DLGAP2: variants seen among roughly 807,000 people sequenced by gnomAD.
The protein encoded by DLGAP2 is DLG associated protein 2.
Under a neutral mutation model 100.3 loss-of-function variants are expected in DLGAP2, and 26 were observed. That is an observed-to-expected ratio of 0.26 (90% confidence interval 0.19 to 0.36). The LOEUF (loss-of-function observed/expected upper bound fraction) is 0.36. Among genes scored for constraint, DLGAP2 ranks in the 10% least tolerant of loss-of-function variants. DLGAP2 has a pLI of 1.00. For synonymous variants in DLGAP2, 886 were observed against 630.1 expected (o/e 1.41, Z -6.08); for missense variants, 1,858 against 1,453.2 (o/e 1.28, Z -4.53).
At chr8:951,037 C>T (rs1177191608) in intron 2 of DLGAP2, among the ~76,000 whole-genome samples, 2 of 152,178 alleles carry the variant, frequency 1.3e-5, no homozygotes, top group Non-Finnish European at 1.5e-5. Flanking sequence ...TTTATATTTT[C>T]TTCACATAGA....
intron 1 of DLGAP2, among the ~76,000 whole-genome samples, chr8:839,388 A>C (rs1195373665): frequency 3.9e-5 from 6 of 152,224 alleles, no homozygotes; most frequent in Non-Finnish European, 5.9e-5. Context: ...ACAATGGAAT[A>C]CTATTGAGCC....
At chr8:1,641,154 A>G (rs890955183) in intron 8 of DLGAP2, among the ~76,000 whole-genome samples, 3 of 152,162 alleles carry the variant, frequency 2.0e-5, no homozygotes, top group Non-Finnish European at 4.4e-5. Context: ...TCCAAAGGTT[A>G]AATACTTGAC....
chr8:830,697 G>A (rs1373233555), intron 1 of DLGAP2, among the ~76,000 whole-genome samples: 1 of 151,850 alleles, frequency 6.6e-6, no homozygotes, highest in Non-Finnish European at 1.5e-5. Flanking sequence ...ATATTACTAC[G>A]ATGTTTATTT....
chr8:1,544,727 T>G (rs2130500861), intron 4 of DLGAP2, among the ~76,000 whole-genome samples: 1 of 137,262 alleles, frequency 7.3e-6, no homozygotes, highest in African/African-American at 2.8e-5. Context: ...TTGCTAGTAT[T>G]TTTGAGGATT....
intron 3 of DLGAP2, among the ~76,000 whole-genome samples, chr8:1,468,482 C>T (rs1798691340): frequency 6.6e-6 from 1 of 152,236 alleles, no homozygotes; most frequent in Non-Finnish European, 1.5e-5. Context: ...TCGCATGGAT[C>T]CGGGCTGGCC....
At chr8:1,144,312 A>G (rs1038268068) in intron 2 of DLGAP2, among the ~76,000 whole-genome samples, 1 of 152,258 alleles carries the variant, frequency 6.6e-6, no homozygotes, top group Non-Finnish European at 1.5e-5. Flanking sequence ...AAAACAAATC[A>G]GGAGGTAAAA....
At chr8:1,423,507 A>C (rs1797157580) in intron 3 of DLGAP2, among the ~76,000 whole-genome samples, 1 of 152,214 alleles carries the variant, frequency 6.6e-6, no homozygotes, top group Non-Finnish European at 1.5e-5. Context: ...CAGCTTGTCA[A>C]GGCATCAGCG....
intron 3 of DLGAP2, among the ~76,000 whole-genome samples, chr8:1,303,292 G>A (rs910047142): frequency 7.9e-5 from 12 of 152,014 alleles, no homozygotes; most frequent in Non-Finnish European, 1.2e-4. Flanking sequence ...AGCTACTCGG[G>A]AGGCTGAGGC....
At chr8:1,367,530 G>A (rs915274652) in intron 3 of DLGAP2, among the ~76,000 whole-genome samples, 2 of 152,302 alleles carry the variant, frequency 1.3e-5, no homozygotes, top group South Asian at 2.1e-4. Context: ...CCCTGCTGGG[G>A]GCCGCAGAGG....
intron 3 of DLGAP2, among the ~76,000 whole-genome samples, chr8:1,450,642 C>A (rs570214911): frequency 6.6e-6 from 1 of 152,138 alleles, no homozygotes; most frequent in Non-Finnish European, 1.5e-5. Context: ...GTCTTCCCCC[C>A]CATCATTCCC....
At chr8:1,532,012 G>T (rs71516195) in intron 4 of DLGAP2, among the ~76,000 whole-genome samples, 1 of 152,122 alleles carries the variant, frequency 6.6e-6, no homozygotes, top group African/African-American at 2.4e-5. Context: ...CACTGGTTCC[G>T]TCCAGAGGGG....
chr8:1,669,229 G>C (rs182165189), intron 9 of DLGAP2, among the ~76,000 whole-genome samples: 2 of 152,292 alleles, frequency 1.3e-5, no homozygotes, highest in Admixed American at 1.3e-4. Flanking sequence ...TTGCATCCAT[G>C]GTTTCAGACC....
At chr8:1,664,260 A>G (rs1000767413) in intron 8 of DLGAP2, among the ~76,000 whole-genome samples, 1 of 152,024 alleles carries the variant, frequency 6.6e-6, no homozygotes, top group Non-Finnish European at 1.5e-5. Context: ...GGCCACGTCT[A>G]CTAGCCCTTC....
At chr8:1,422,756 G>A (rs747268334) in intron 3 of DLGAP2, among the ~76,000 whole-genome samples, 1 of 152,122 alleles carries the variant, frequency 6.6e-6, no homozygotes, top group African/African-American at 2.4e-5. Context: ...TGGGGGTGGG[G>A]GAATGTGTCC....
chr8:1,354,233 C>T lies in DLGAP2; in HGVS notation c.106+95350C>T, dbSNP rs572627142. On this transcript the variant is annotated intron_variant, in intron 3 of 14. Coordinates refer to ENST00000637795, the MANE Select transcript of DLGAP2 (RefSeq NM_001346810.2). ...AGAAAATACTTACGGAGGCCAGGCA[C>T]GGTGGCTCAAACCTGTAATCCCAGC... Among the ~76,000 whole-genome samples, 18 of 152,288 alleles carry T rather than the reference C, an allele frequency of 1.2e-4. No individual in the cohort carries two copies. The East Asian group carries it at 2.7e-3, about 23-fold the overall frequency.
chr8:762,473 GAGTAAA>G (rs1760072975), intron 1 of DLGAP2, among the ~76,000 whole-genome samples: 1 of 152,180 alleles, frequency 6.6e-6, no homozygotes, highest in African/African-American at 2.4e-5. Context: ...AGGTGAAACA[GAGTAAA>G]AGTAACAGTG....
intron 2 of DLGAP2, among the ~76,000 whole-genome samples, chr8:1,192,127 C>T (rs1255366283): frequency 3.3e-5 from 5 of 152,098 alleles, no homozygotes; most frequent in African/African-American, 9.7e-5. Context: ...TCCTCTCGTA[C>T]GTGATGAAAC....
intron 1 of DLGAP2, among the ~76,000 whole-genome samples, chr8:886,816 A>G (rs1273806051): frequency 6.6e-6 from 1 of 152,220 alleles, no homozygotes; most frequent in African/African-American, 2.4e-5. Flanking sequence ...AATAGTTGCC[A>G]TGTGGCACTG....
At chr8:900,690 C>T (rs766685236) in intron 1 of DLGAP2, among the ~76,000 whole-genome samples, 13 of 152,080 alleles carry the variant, frequency 8.5e-5, no homozygotes, top group South Asian at 2.1e-4. Flanking sequence ...CACCAGGAGG[C>T]GGCTGCAGCC....
Sources: allele counts gnomAD v4.1 joint callset (sites outside exome capture counted in the v4.1 genomes callset), GRCh38; gene constraint gnomAD v4.1.1; transcripts MANE v1.5; gene names NCBI Gene and HGNC (gene_info 2026-07-23, HGNC 2026-07-21).